Variants in PILRA observed in about 807,000 individuals in gnomAD.
PILRA encodes paired immunoglobulin-like type 2 receptor alpha.
In PILRA, 37 loss-of-function variants were observed where a neutral mutation model predicts 33.1. The observed-to-expected ratio is 1.12, with a 90% CI of 0.86 to 1.47. PILRA has a LOEUF of 1.47. Among genes scored for constraint, PILRA ranks in the 40% most tolerant of loss-of-function variants. The probability of loss-of-function intolerance (pLI) is 0.00; values close to 1 mark genes in which losing one functional copy is unlikely to be tolerated. For synonymous variants in PILRA, 146 were observed against 149.9 expected (o/e 0.97, Z 0.19); for missense variants, 312 against 376.2 (o/e 0.83, Z 1.41).
intron 2 of PILRA, among the ~76,000 whole-genome samples, chr7:100,384,033 G>A (rs1266440989): frequency 1.3e-5 from 2 of 152,142 alleles, no homozygotes; most frequent in African/African-American, 2.4e-5. Context: ...GAGAGAGGAC[G>A]CAGCTTGGCT....
chr7:100,393,692 C>A (rs1286157060), intron 3 of PILRA, among the ~76,000 whole-genome samples: 1 of 152,148 alleles, frequency 6.6e-6, no homozygotes, highest in African/African-American at 2.4e-5. Flanking sequence ...CACTCAGGTT[C>A]CTACCTTTCT....
rs1584209347 is a variant in PILRA, at chr7:100,374,671, C to T, written c.454+238C>T. The T allele has an allele frequency of 4.9e-5, 28 of 577,070 alleles. 1 individual carries two copies. Among genetic ancestry groups the T allele is most frequent in the South Asian group, 4.6e-4 (24 of 51,754 alleles). The allele number at this position is 577,070 out of a possible 1,614,324, so 35.7% of individuals were successfully genotyped here. A position where few individuals can be genotyped will look rare whatever the true frequency, so the allele number is the denominator to read the frequency against. On this transcript the variant is annotated intron_variant, in intron 2 of 6. Coordinates refer to ENST00000198536, the MANE Select transcript of PILRA (RefSeq NM_013439.3). ...TCACTGTCCCCTCCAGATCCAGCCC[C>T]GCCCCCACTCCTCAGGCCTCAGCAG...
chr7:100,386,501 CA>C (rs905045629), intron 2 of PILRA, among the ~76,000 whole-genome samples: 53 of 140,728 alleles, frequency 3.8e-4, no homozygotes, highest in South Asian at 4.5e-4. Context: ...GACACTATGT[CA>C]AAAAAAAAAA....
chr7:100,398,952 T>TA (rs1252473440), intron 4 of PILRA, among the ~76,000 whole-genome samples: 1 of 151,656 alleles, frequency 6.6e-6, no homozygotes, highest in African/African-American at 2.4e-5. Context: ...TTTTTTTTTT[T>TA]AATTTTTGAG....
chr7:100,371,931 G>C (rs1190296378), upstream of PILRA, among the ~76,000 whole-genome samples: 1 of 152,210 alleles, frequency 6.6e-6, no homozygotes, highest in Non-Finnish European at 1.5e-5. Context: ...GAGACTGCAC[G>C]TGGCAGCATT....
intron 2 of PILRA, chr7:100,374,871 A>G (rs1790910833): frequency 4.4e-6 from 1 of 229,120 alleles, no homozygotes. Context: ...CATACCTTGC[A>G]TCTCTCACAG....
chr7:100,397,354 T>C (rs1791521049), intron 3 of PILRA, among the ~76,000 whole-genome samples: 1 of 151,160 alleles, frequency 6.6e-6, no homozygotes, highest in African/African-American at 2.4e-5. Context: ...CAGCAGAGGA[T>C]TCAGGGTGGG....
intron 3 of PILRA, among the ~76,000 whole-genome samples, chr7:100,396,571 G>C (rs775454960): frequency 4.6e-5 from 7 of 152,134 alleles, no homozygotes; most frequent in Non-Finnish European, 8.8e-5. Flanking sequence ...AGAATCGCTT[G>C]AACCAGAGAG....
chr7:100,385,299 G>A (rs569940852), intron 2 of PILRA, among the ~76,000 whole-genome samples: 4 of 152,242 alleles, frequency 2.6e-5, no homozygotes, highest in South Asian at 2.1e-4. Context: ...ATTATGTGCC[G>A]ATTGTATCTT....
At chr7:100,391,305 T>G (rs1791386519) in intron 3 of PILRA, among the ~76,000 whole-genome samples, 1 of 151,450 alleles carries the variant, frequency 6.6e-6, no homozygotes, top group Admixed American at 6.6e-5. Context: ...CAATGAGCTG[T>G]GATTTCACCA....
intron 3 of PILRA, among the ~76,000 whole-genome samples, chr7:100,395,807 A>G (rs1390992646): frequency 6.6e-6 from 1 of 152,148 alleles, no homozygotes; most frequent in Non-Finnish European, 1.5e-5. Context: ...TGATACAGAA[A>G]AAAAGCATGG....
intron 2 of PILRA, among the ~76,000 whole-genome samples, chr7:100,385,774 C>T (rs975855087): frequency 1.3e-5 from 2 of 151,976 alleles, no homozygotes; most frequent in Non-Finnish European, 2.9e-5. Flanking sequence ...GGATTATAGC[C>T]ATGTGCCACC....
At position 100,374,335 on chromosome 7, in the gene PILRA, A is replaced by G; in HGVS notation, c.356A>G (p.Asp119Gly). Residue 119 changes from aspartate to glycine, a missense_variant, in exon 2 of 7, where the codon GAC becomes GGC. By Grantham distance (94) the Asp-to-Gly change is moderately conservative. Transcript: ENST00000198536. ...AGGATCTCCAACCTGCAGAAGCAGG[A>G]CCAGTCTGTGTATTTCTGCCGAGTT... ...FLRISNLQKQ[D>G]QSVYFCRVEL... is the part of the protein sequence containing the mutation. The G allele has an allele frequency of 6.2e-7, 1 of 1,614,120 alleles. No homozygotes were observed. Among genetic ancestry groups the G allele is most frequent in the Admixed American group, 1.7e-5 (1 of 60,010 alleles).
chr7:100,393,765 A>G (rs1429436204), intron 3 of PILRA, among the ~76,000 whole-genome samples: 1 of 152,118 alleles, frequency 6.6e-6, no homozygotes, highest in Non-Finnish European at 1.5e-5. Context: ...AGACGGCTGC[A>G]AGGATTCCAG....
chr7:100,397,136 A>T (rs556700410), intron 3 of PILRA, among the ~76,000 whole-genome samples: 13 of 151,674 alleles, frequency 8.6e-5, no homozygotes, highest in African/African-American at 2.9e-4. Flanking sequence ...TAAAAAAAAA[A>T]AAAAAAGTCC....
intron 2 of PILRA, among the ~76,000 whole-genome samples, chr7:100,385,960 C>T (rs1791244008): frequency 6.8e-6 from 1 of 148,134 alleles, no homozygotes; most frequent in Non-Finnish European, 1.5e-5. Flanking sequence ...GACGGAGTTT[C>T]AATCTTGTCA....
chr7:100,399,510 G>A, intron 5 of PILRA, 71 bp from the exon 6 acceptor site: 1 of 1,562,606 alleles, frequency 6.4e-7, no homozygotes, highest in South Asian at 1.1e-5. Context: ...CACTCCTAGA[G>A]CCCCCTGCCC....
upstream of PILRA, among the ~76,000 whole-genome samples, chr7:100,371,436 AT>A (rs1027400566): frequency 4.4e-4 from 67 of 152,234 alleles, no homozygotes; most frequent in African/African-American, 1.5e-3. Context: ...TGGGATGTCG[AT>A]TGGGATCAGA....
intron 2 of PILRA, among the ~76,000 whole-genome samples, chr7:100,380,025 C>T (rs1048425479): frequency 2.6e-5 from 4 of 152,170 alleles, no homozygotes; most frequent in African/African-American, 9.7e-5. Flanking sequence ...AACTAGAGGA[C>T]ATTGAAAATC....
Sources: gnomAD v4.1 joint callset for allele counts (sites outside exome capture counted in the v4.1 genomes callset) on GRCh38, gnomAD v4.1.1 for gene constraint, MANE v1.5 for transcripts, NCBI Gene and HGNC (gene_info 2026-07-23, HGNC 2026-07-21) for gene names.